Variants in LRBA observed in about 807,000 individuals in gnomAD.
LRBA encodes LPS responsive beige-like anchor protein.
In LRBA, 176 loss-of-function variants were observed where a neutral mutation model predicts 330.0. The observed-to-expected ratio is 0.53, with a 90% CI of 0.47 to 0.60. LRBA has a LOEUF of 0.60. Among genes scored for constraint, LRBA ranks in the 20% least tolerant of loss-of-function variants. LRBA has a pLI of 0.00. For synonymous variants in LRBA, 1,230 were observed against 1,193.0 expected (o/e 1.03, Z -0.64); for missense variants, 3,259 against 3,444.8 (o/e 0.95, Z 1.35).
chr4:150,917,995 T>C (rs928401078), intron 5 of LRBA, among the ~76,000 whole-genome samples: 6 of 152,048 alleles, frequency 3.9e-5, no homozygotes, highest in African/African-American at 2.4e-5. Flanking sequence ...CTACCATTAA[T>C]ATAAAGCAAC....
intron 35 of LRBA, among the ~76,000 whole-genome samples, chr4:150,736,367 T>C (rs1353436991): frequency 1.3e-5 from 2 of 152,012 alleles, no homozygotes; most frequent in African/African-American, 4.8e-5. Context: ...CATCTGGACA[T>C]TGAAATAAAT....
intron 54 of LRBA, among the ~76,000 whole-genome samples, chr4:150,283,854 C>T (rs1174173885): frequency 2.0e-5 from 3 of 152,214 alleles, no homozygotes; most frequent in African/African-American, 7.2e-5. Context: ...AATCACATCA[C>T]TCCTTTCAAA....
intron 2 of LRBA, among the ~76,000 whole-genome samples, chr4:150,982,045 T>C (rs1740910014): frequency 1.3e-5 from 2 of 151,702 alleles, no homozygotes; most frequent in Admixed American, 1.3e-4. Context: ...AAATGATGCA[T>C]CTTACAATAG....
At chr4:150,342,359 AAAGAAT>A (rs1359962273) in intron 48 of LRBA, among the ~76,000 whole-genome samples, 1 of 152,186 alleles carries the variant, frequency 6.6e-6, no homozygotes, top group African/African-American at 2.4e-5. Context: ...GCAGTGAAAA[AAAGAAT>A]AGTGCCAAAA....
At chr4:150,743,644 A>G (rs576127255) in intron 35 of LRBA, among the ~76,000 whole-genome samples, 7 of 152,328 alleles carry the variant, frequency 4.6e-5, no homozygotes, top group African/African-American at 1.4e-4. Context: ...AACTAGGCCC[A>G]TTTGTTTAAG....
chr4:150,473,183 T>C (rs1337628134), intron 42 of LRBA, among the ~76,000 whole-genome samples: 4 of 152,182 alleles, frequency 2.6e-5, no homozygotes, highest in Non-Finnish European at 2.9e-5. Flanking sequence ...TAGTGTAAAA[T>C]AACAGTTTTA....
At chr4:150,682,625 T>A (rs1230072915) in intron 37 of LRBA, among the ~76,000 whole-genome samples, 2 of 152,122 alleles carry the variant, frequency 1.3e-5, no homozygotes, top group Non-Finnish European at 2.9e-5. Context: ...AAAGTTAAAA[T>A]TTTTTTCTTT....
At chr4:150,813,842 G>A (rs1427943048) in intron 31 of LRBA, among the ~76,000 whole-genome samples, 1 of 152,052 alleles carries the variant, frequency 6.6e-6, no homozygotes, top group Non-Finnish European at 1.5e-5. Context: ...TAATGTAAGT[G>A]TTCTGAGCAC....
At chr4:150,684,238 G>T (rs748763765) in intron 36 of LRBA, among the ~76,000 whole-genome samples, 20 of 152,110 alleles carry the variant, frequency 1.3e-4, no homozygotes, top group Admixed American at 6.6e-4. Context: ...GATTGTAGTG[G>T]GACAAGAGAA....
chr4:150,646,797 A>G (rs987238906), intron 37 of LRBA, among the ~76,000 whole-genome samples: 1 of 152,094 alleles, frequency 6.6e-6, no homozygotes, highest in Non-Finnish European at 1.5e-5. Context: ...AAAATCCAAA[A>G]TTTTTGAGCA....
chr4:150,466,464 C>T (rs1054641893), intron 44 of LRBA, among the ~76,000 whole-genome samples: 2 of 152,090 alleles, frequency 1.3e-5, no homozygotes, highest in Non-Finnish European at 2.9e-5. Flanking sequence ...TTTACATAAA[C>T]ACTTACCTGT....
At chr4:150,570,836 C>A (rs1483995679) in intron 40 of LRBA, among the ~76,000 whole-genome samples, 1 of 152,058 alleles carries the variant, frequency 6.6e-6, no homozygotes, top group Non-Finnish European at 1.5e-5. Context: ...TAGTACTGAA[C>A]ATAAAATAGT....
At chr4:150,695,123 A>G (rs570979454) in intron 36 of LRBA, among the ~76,000 whole-genome samples, 1 of 152,308 alleles carries the variant, frequency 6.6e-6, no homozygotes, top group Admixed American at 6.5e-5. Flanking sequence ...AACAATGCAA[A>G]CACACATCAT....
chr4:150,783,295 A>G (rs1465508876), intron 34 of LRBA, among the ~76,000 whole-genome samples: 1 of 152,180 alleles, frequency 6.6e-6, no homozygotes, highest in Non-Finnish European at 1.5e-5. Context: ...GTTCTCACGA[A>G]TTAGTAGCAC....
chr4:150,304,601 T>C (rs912563436), intron 52 of LRBA, among the ~76,000 whole-genome samples: 1 of 152,106 alleles, frequency 6.6e-6, no homozygotes, highest in Non-Finnish European at 1.5e-5. Flanking sequence ...GCCTTTTAAG[T>C]TGACACCAAA....
chr4:150,889,250 A>G (rs903940858), intron 17 of LRBA, among the ~76,000 whole-genome samples: 9 of 151,550 alleles, frequency 5.9e-5, no homozygotes, highest in Non-Finnish European at 1.3e-4. Context: ...AGTTATTTAT[A>G]TCCTACTGCT....
chr4:150,559,817 T>A (rs1234147909), intron 40 of LRBA, among the ~76,000 whole-genome samples: 72 of 69,002 alleles, frequency 1.0e-3, no homozygotes, highest in Middle Eastern at 7.2e-3. Context: ...TATATAATAA[T>A]ATATAATAAT....
At chr4:150,311,424 G>A (rs1408589460) in intron 51 of LRBA, 3 of 152,076 alleles carry the variant, frequency 2.0e-5, no homozygotes, top group African/African-American at 7.2e-5. Flanking sequence ...ATATTTATAT[G>A]CTATTCATTG....
intron 47 of LRBA, among the ~76,000 whole-genome samples, chr4:150,372,217 GATA>G (rs1344012833): frequency 6.6e-6 from 1 of 152,164 alleles, no homozygotes; most frequent in Non-Finnish European, 1.5e-5. Context: ...TGAGTACTGT[GATA>G]ATTTCTATAA....
Sources: allele counts gnomAD v4.1 joint callset (sites outside exome capture counted in the v4.1 genomes callset), GRCh38; gene constraint gnomAD v4.1.1; transcripts MANE v1.5; gene names NCBI Gene and HGNC (gene_info 2026-07-23, HGNC 2026-07-21).